SSTR5: variants seen among roughly 807,000 people sequenced by gnomAD.
The protein encoded by SSTR5 is somatostatin receptor type 5.
Under a neutral mutation model 0.3 loss-of-function variants are expected in SSTR5, and 1 was observed. The observed-to-expected ratio is 2.98, with a 90% CI of 1.06 to 14.15. The LOEUF (loss-of-function observed/expected upper bound fraction) is 14.15, where lower values mean the gene tolerates loss of function less well. Among genes scored for constraint, SSTR5 ranks in the 30% most tolerant of loss-of-function variants. The pLI, the probability that SSTR5 is intolerant of heterozygous loss-of-function variation, is 0.12. For synonymous variants in SSTR5, 256 were observed against 263.1 expected, an observed-to-expected ratio of 0.97 and a Z score of 0.26; for missense variants, 516 against 543.2, an observed-to-expected ratio of 0.95 and a Z score of 0.50.
Position 1,079,058 on chromosome 16 carries a change from G to A in SSTR5, c.190G>A (p.Val64Met), listed in dbSNP as rs1241400225. ...GLGGNTLVIY[V>M]VLRFAKMKTV... ...GGGCGGGAACACGCTGGTCATCTACGTGGTGCTGCGCTTCGCCAAGATGAA... is the reference window on the plus strand; with the variant it reads ...GGGCGGGAACACGCTGGTCATCTACATGGTGCTGCGCTTCGCCAAGATGAA... The change falls in exon 2 of 2, where the codon GTG (valine) becomes ATG (methionine). Residue 64 changes from valine to methionine, a missense_variant. Val to Met is a conservative substitution (Grantham distance 21). Coordinates refer to ENST00000689027, the MANE Select transcript of SSTR5 (RefSeq NM_001172560.3). The A allele has an allele frequency of 6.8e-6, 11 of 1,612,292 alleles. No individual in the cohort carries two copies. Among genetic ancestry groups the A allele is most frequent in the South Asian group, 2.2e-5 (2 of 91,058 alleles).
rs779150263 is a variant in SSTR5, at chr16:1,079,708, C to T, written c.840C>T (p.Pro280=). ...TGGCCGTGGCGCTGCCCCAGGAGCCCGCCTCCGCCGGCCTCTACTTCTTCG... is the reference window on the plus strand; with the variant it reads ...TGGCCGTGGCGCTGCCCCAGGAGCCTGCCTCCGCCGGCCTCTACTTCTTCG... ...VNLAVALPQE[P]ASAGLYFFVV... is the part of the protein sequence containing the mutation. Residue 280 remains proline, a synonymous_variant, in exon 2 of 2, where the codon CCC becomes CCT. Coordinates refer to ENST00000689027, the MANE Select transcript of SSTR5 (RefSeq NM_001172560.3). The T allele has an allele frequency of 1.4e-5, 22 of 1,611,914 alleles. No individual in the cohort carries two copies. Among genetic ancestry groups the T allele is most frequent in the South Asian group, 5.5e-5 (5 of 91,084 alleles).
chr16:1,080,964 T>C lies in SSTR5; in HGVS notation c.*1001T>C. The C allele has an allele frequency of 6.6e-6, 3 of 451,378 alleles. No homozygotes were observed. The highest frequency in any genetic ancestry group is 9.3e-6 in the Non-Finnish European group (2 of 214,948). The allele number at this position is 451,378 out of a possible 1,614,324, so 28.0% of individuals were successfully genotyped here. A position where few individuals can be genotyped will look rare whatever the true frequency, so the allele number is the denominator to read the frequency against. ...CGGGGACAGGAGCAGAGGACGGTCATCCAGGCGCAGCGGGGAGCTGCTCCC... is the reference window on the plus strand; with the variant it reads ...CGGGGACAGGAGCAGAGGACGGTCACCCAGGCGCAGCGGGGAGCTGCTCCC... On this transcript the variant is annotated 3_prime_UTR_variant, in exon 2 of 2. Transcript: ENST00000689027.
At chr16:1,078,748 C>T in intron 1 of SSTR5, 94 bp from the exon 2 acceptor site, 1 of 1,266,664 alleles carries the variant, frequency 7.9e-7, no homozygotes, top group Non-Finnish European at 1.1e-6. Context: ...CCCGCGCCTC[C>T]TGGCAGGCGG....
At chr16:1,074,317 G>A (rs1262704205) in intron 1 of SSTR5, among the ~76,000 whole-genome samples, 1 of 152,234 alleles carries the variant, frequency 6.6e-6, no homozygotes, top group Non-Finnish European at 1.5e-5. Context: ...AGGGTGCGGC[G>A]TGGGCCCCGG....
rs370117118 is a variant in SSTR5 at position 1,079,570 on chromosome 16, C to T, written c.702C>T (p.Arg234=). The T allele has an allele frequency of 4.0e-5, 65 of 1,611,372 alleles. No homozygotes were observed. Among genetic ancestry groups the T allele is most frequent in the East Asian group, 1.3e-4 (6 of 44,832 alleles). Residue 234 remains arginine, a synonymous_variant, in exon 2 of 2, where the codon CGC becomes CGT. Coordinates refer to ENST00000689027, the MANE Select transcript of SSTR5 (RefSeq NM_001172560.3). ...TGAAGGTGAGGGCGGCGGGCGTGCG[C>T]GTGGGCTGCGTGCGGCGGCGCTCGG... ...IVVKVRAAGV[R]VGCVRRRSER... is the part of the protein sequence containing the mutation.
chr16:1,075,600 C>T (rs999780765), intron 1 of SSTR5, among the ~76,000 whole-genome samples: 27 of 152,024 alleles, frequency 1.8e-4, no homozygotes, highest in African/African-American at 6.5e-4. Flanking sequence ...CTGTCCCCTC[C>T]ACCTGGCCTC....
chr16:1,074,937 C>G (rs751753433), intron 1 of SSTR5, among the ~76,000 whole-genome samples: 1 of 152,188 alleles, frequency 6.6e-6, no homozygotes, highest in African/African-American at 2.4e-5. Flanking sequence ...CCCCAGACCA[C>G]GCAGCCCGTG....
chr16:1,079,844 G>A lies in SSTR5; in HGVS notation c.976G>A (p.Gly326Ser), dbSNP rs1960324347. ...GGTTCTGTGCCTCCGCAAGGGCTCT[G>A]GTGCCAAGGACGCTGACGCCACGGA... ...QKVLCLRKGS[G>S]AKDADATEPR... Residue 326 changes from glycine to serine, a missense_variant, in exon 2 of 2, where the codon GGT becomes AGT. Physicochemically the swap from Gly to Ser is moderately conservative, Grantham distance 56. Transcript: ENST00000689027. 6.2e-7 allele frequency: 1 copy of A among 1,611,778 alleles called. No homozygotes were observed. The highest frequency in any genetic ancestry group is 8.5e-7 in the Non-Finnish European group (1 of 1,179,784).
At chr16:1,078,763 G>C (rs1260774264) in intron 1 of SSTR5, 79 bp from the exon 2 acceptor site, 3 of 1,409,726 alleles carry the variant, frequency 2.1e-6, no homozygotes, top group East Asian at 5.0e-5. Context: ...AGGCGGGGCT[G>C]GGGCCCAGGA....
chr16:1,081,387 A>G lies in SSTR5; in HGVS notation c.*1424A>G, dbSNP rs932708900. On this transcript the variant is annotated 3_prime_UTR_variant, in exon 2 of 2. Transcript: ENST00000689027. ...CCCAGGCTGAGGCCAGGCCTGGGAA[A>G]CATCCAAGCAGTGAGGACACGCGTG... Among the ~76,000 whole-genome samples, 16 of 152,194 alleles carry G rather than the reference A, an allele frequency of 1.1e-4. No homozygotes were observed. Among genetic ancestry groups the G allele is most frequent in the African/African-American group, 3.6e-4 (15 of 41,462 alleles).
At chr16:1,077,925 G>C (rs914219736) in intron 1 of SSTR5, 2 of 152,162 alleles carry the variant, frequency 1.3e-5, no homozygotes, top group African/African-American at 4.8e-5. Flanking sequence ...GGGCCTGGGA[G>C]GGGGCTCAAA....
Position 1,080,657 on chromosome 16 carries a change from G to A in SSTR5, c.*694G>A, listed in dbSNP as rs1396844178. Among the ~76,000 whole-genome samples, 1 of 152,216 alleles carries A rather than the reference G, an allele frequency of 6.6e-6. No individual in the cohort carries two copies. Among genetic ancestry groups the A allele is most frequent in the South Asian group, 2.1e-4 (1 of 4,824 alleles). ...GAGAGGGGAGTGTGGGGGCTTGGGC[G>A]CTGGCCTAGCCAGGGGCGAGGTGGG... is the stretch of plus-strand genomic sequence containing the variant. On this transcript the variant is annotated 3_prime_UTR_variant, in exon 2 of 2. Transcript: ENST00000689027.
intron 1 of SSTR5, among the ~76,000 whole-genome samples, chr16:1,074,459 G>A (rs904904225): frequency 5.9e-5 from 9 of 152,318 alleles, no homozygotes; most frequent in Middle Eastern, 3.4e-3. Context: ...TTGGCAGGGT[G>A]CAGGCTAGAC....
In SSTR5 at chr16:1,080,156, C is replaced by T; in HGVS notation, c.*193C>T. 1 of 757,850 alleles carries T rather than the reference C, an allele frequency of 1.3e-6. No individual in the cohort carries two copies. The allele number at this position is 757,850 out of a possible 1,614,324, so 46.9% of individuals were successfully genotyped here. On this transcript the variant is annotated 3_prime_UTR_variant, in exon 2 of 2. Transcript: ENST00000689027. ...GTGACCGACCATCCCCTCTAACCGT[C>T]TGCCACACAGCGGGGGCTCCCGGGA...
At chr16:1,078,584 A>G in intron 1 of SSTR5, 1 of 523,230 alleles carries the variant, frequency 1.9e-6, no homozygotes, top group Non-Finnish European at 3.5e-6. Context: ...GGGCGGCCAC[A>G]GGGCAGCTGT....
chr16:1,081,236 G>C lies in SSTR5; in HGVS notation c.*1273G>C, dbSNP rs1483394887. Reference sequence around the variant, plus strand: ...AGGGTGCGGCATCACTCGGCCTCAGGGACCCCTCTGCCCTGCCCAGCACTG... The same window carrying C: ...AGGGTGCGGCATCACTCGGCCTCAGCGACCCCTCTGCCCTGCCCAGCACTG... On this transcript the variant is annotated 3_prime_UTR_variant, in exon 2 of 2. Transcript: ENST00000689027. 1 of 425,238 alleles carries C rather than the reference G, an allele frequency of 2.4e-6. No individual in the cohort carries two copies. The highest frequency in any genetic ancestry group is 5.0e-6 in the Non-Finnish European group (1 of 201,688). 26.3% of individuals were successfully genotyped at this position (425,238 alleles called of 1,614,324 possible).
At chr16:1,077,344 TC>T (rs1265678481) in intron 1 of SSTR5, among the ~76,000 whole-genome samples, 1 of 152,212 alleles carries the variant, frequency 6.6e-6, no homozygotes, top group African/African-American at 2.4e-5. Context: ...ACTTTGATTC[TC>T]TGCTGGCCAC....
chr16:1,073,893 G>A (rs1404111848), intron 1 of SSTR5, among the ~76,000 whole-genome samples: 1 of 152,250 alleles, frequency 6.6e-6, no homozygotes, highest in Non-Finnish European at 1.5e-5. Flanking sequence ...AAGACCCAGC[G>A]AGGCTGTCAG....
intron 1 of SSTR5, among the ~76,000 whole-genome samples, chr16:1,076,112 C>T (rs1596235293): frequency 2.4e-5 from 1 of 41,978 alleles, no homozygotes; most frequent in Non-Finnish European, 4.9e-5. Flanking sequence ...CCCTCTCCCT[C>T]CCTCTCTCCC....
Sources: gnomAD v4.1 joint callset for allele counts (sites outside exome capture counted in the v4.1 genomes callset) on GRCh38, gnomAD v4.1.1 for gene constraint, MANE v1.5 for transcripts, NCBI Gene and HGNC (gene_info 2026-07-23, HGNC 2026-07-21) for gene names.